The following GABRG3 variants were observed in gnomAD, a reference collection of about 807,000 sequenced individuals.
GABRG3 encodes the protein gamma-aminobutyric acid receptor subunit gamma-3.
GABRG3 carries 25 observed loss-of-function variants against 48.8 expected under a neutral mutation model. That is an observed-to-expected ratio of 0.51 (90% CI 0.37 to 0.72). GABRG3 has a LOEUF of 0.72. Among genes scored for constraint, GABRG3 ranks in the 30% least tolerant of loss-of-function variants. The pLI is 0.00. For synonymous variants in GABRG3, 227 were observed against 217.6 expected (o/e 1.04, Z -0.38); for missense variants, 394 against 577.9 (o/e 0.68, Z 3.26).
chr15:27,192,508 TGATCGCATTG>T, intron 3 of GABRG3, among the ~76,000 whole-genome samples: 1 of 152,368 alleles, frequency 6.6e-6, no homozygotes, highest in Non-Finnish European at 1.5e-5. Context: ...TTCTTCCAGT[TGATCGCATTG>T]GCTCCTGAGG....
At chr15:27,005,293 C>T (rs1482187836) in intron 2 of GABRG3, among the ~76,000 whole-genome samples, 5 of 152,136 alleles carry the variant, frequency 3.3e-5, no homozygotes, top group South Asian at 4.1e-4. Context: ...CTCCGCCTCC[C>T]GGGTTCAAGC....
intron 3 of GABRG3, among the ~76,000 whole-genome samples, chr15:27,231,310 T>C (rs937257610): frequency 6.6e-6 from 1 of 152,228 alleles, no homozygotes; most frequent in Non-Finnish European, 1.5e-5. Context: ...AACATAATAA[T>C]ATAACTGTAG....
chr15:27,243,431 A>G (rs1890186523), intron 3 of GABRG3, among the ~76,000 whole-genome samples: 2 of 152,120 alleles, frequency 1.3e-5, no homozygotes, highest in South Asian at 4.1e-4. Context: ...GCACACCTGA[A>G]CACATCATGC....
At chr15:27,163,321 T>G (rs1254479663) in intron 3 of GABRG3, among the ~76,000 whole-genome samples, 2 of 152,088 alleles carry the variant, frequency 1.3e-5, no homozygotes, top group African/African-American at 4.8e-5. Flanking sequence ...CAACTTAGCC[T>G]CAGCCTCCCA....
intron 2 of GABRG3, 42 bp from the exon 3 acceptor site, chr15:27,026,712 C>T: frequency 6.7e-7 from 1 of 1,481,638 alleles, no homozygotes; most frequent in Non-Finnish European, 9.3e-7. Flanking sequence ...CTCTGTCTTT[C>T]TCCGGCACGA....
chr15:27,482,712 AT>A (rs1890129534), intron 6 of GABRG3, among the ~76,000 whole-genome samples: 1 of 152,220 alleles, frequency 6.6e-6, no homozygotes, highest in African/African-American at 2.4e-5. Flanking sequence ...TTTGAAAAGG[AT>A]GGATATGATT....
intron 3 of GABRG3, among the ~76,000 whole-genome samples, chr15:27,212,761 T>C (rs1889117687): frequency 6.6e-6 from 1 of 152,200 alleles, no homozygotes; most frequent in African/African-American, 2.4e-5. Flanking sequence ...ACAACTGTTC[T>C]CCTTTCAGTC....
rs373937165 is a variant in GABRG3, at chr15:27,429,954, A to G, written c.575-50696A>G. On this transcript the variant is annotated intron_variant, in intron 5 of 9. Transcript: ENST00000615808. ...CCTAACAGGAGAATTCTGTGGTCCT[A>G]TGGAAACAATATGTCTACATTTTGA... is the stretch of plus-strand genomic sequence containing the variant. 4.4e-4 allele frequency among the ~76,000 whole-genome samples: 67 copies of G among 152,320 alleles called. No individual in the cohort carries two copies. The South Asian group carries it at 0.013, about 29-fold the overall frequency.
chr15:27,256,168 T>C (rs116270883), intron 3 of GABRG3, among the ~76,000 whole-genome samples: 4,291 of 151,678 alleles, frequency 0.028, 183 homozygotes, highest in African/African-American at 0.099. Context: ...AGGGGCCGGG[T>C]GTGGTGGCTC....
chr15:27,045,359 C>T (rs1016538211), intron 3 of GABRG3, among the ~76,000 whole-genome samples: 1 of 152,228 alleles, frequency 6.6e-6, no homozygotes. Context: ...GTAGAACATA[C>T]CCACTTCTCT....
chr15:27,024,018 G>A (rs916180743), intron 2 of GABRG3, among the ~76,000 whole-genome samples: 34 of 152,090 alleles, frequency 2.2e-4, no homozygotes, highest in African/African-American at 7.7e-4. Context: ...GTAGCCATCC[G>A]AATGGGTGTG....
At chr15:27,264,577 C>A (rs1459093044) in intron 3 of GABRG3, among the ~76,000 whole-genome samples, 1 of 150,444 alleles carries the variant, frequency 6.6e-6, no homozygotes, top group Non-Finnish European at 1.5e-5. Context: ...AAAATCACAT[C>A]CTCGTCAAAA....
chr15:27,415,259 G>A (rs941979584), intron 5 of GABRG3, among the ~76,000 whole-genome samples: 1 of 151,736 alleles, frequency 6.6e-6, no homozygotes, highest in Non-Finnish European at 1.5e-5. Context: ...CAGTTTTAAA[G>A]TTGTCTATTT....
At chr15:27,300,773 G>T (rs1231176794) in intron 3 of GABRG3, among the ~76,000 whole-genome samples, 3 of 150,346 alleles carry the variant, frequency 2.0e-5, no homozygotes, top group Non-Finnish European at 4.4e-5. Context: ...AAAAGAAGCA[G>T]CTGGAAATTT....
rs528760544 is a variant in GABRG3 at position 27,403,914 on chromosome 15, CAAAAAA to C, written c.574+75035_574+75040del. Among the ~76,000 whole-genome samples, 4 of 68,564 alleles carry C rather than the reference CAAAAAA, an allele frequency of 5.8e-5. No homozygotes were observed. In the East Asian group the frequency reaches 1.2e-3, roughly 20 times the overall value. 45.0% of individuals were successfully genotyped at this position (68,564 alleles called of 152,430 possible). The stretch of plus-strand genomic sequence containing the variant: ...TGACAAAGCCAGACTCAAAAAAAAA[CAAAAAA>C]AAAAAAAACAAAAAAAAAAAACCGG... On this transcript the variant is annotated intron_variant, in intron 5 of 9. Coordinates refer to ENST00000615808, the MANE Select transcript of GABRG3 (RefSeq NM_033223.5).
intron 3 of GABRG3, chr15:27,158,487 A>G (rs181102092): frequency 6.6e-6 from 1 of 152,198 alleles, no homozygotes; most frequent in East Asian, 1.9e-4. Context: ...CTCAAATTAT[A>G]CTTATAAATA....
In GABRG3 at chr15:27,540,088, A is replaced by G. The variant is rs1427744842; in HGVS notation, c.*7207A>G. The G allele has an allele frequency of 6.6e-6, 1 of 152,232 alleles. No individual in the cohort carries two copies. The highest frequency in any genetic ancestry group is 1.5e-5 in the Non-Finnish European group (1 of 68,048). 9.4% of individuals were successfully genotyped at this position (152,232 alleles called of 1,614,324 possible). Reference sequence around the variant, plus strand: ...GAACTTACATCGTGGAAAAAGCGAAAAAGTTTCATTAGAGTTTAAACATTA... The same window carrying G: ...GAACTTACATCGTGGAAAAAGCGAAGAAGTTTCATTAGAGTTTAAACATTA... On this transcript the variant is annotated 3_prime_UTR_variant, in exon 10 of 10. Coordinates refer to ENST00000615808, the MANE Select transcript of GABRG3 (RefSeq NM_033223.5).
At chr15:27,231,897 G>T (rs994405352) in intron 3 of GABRG3, among the ~76,000 whole-genome samples, 38 of 152,162 alleles carry the variant, frequency 2.5e-4, no homozygotes, top group African/African-American at 8.9e-4. Context: ...TTCATTGTCT[G>T]ATCTAAACCA....
chr15:27,040,423 G>T (rs1896255899), intron 3 of GABRG3, among the ~76,000 whole-genome samples: 1 of 152,228 alleles, frequency 6.6e-6, no homozygotes, highest in South Asian at 2.1e-4. Context: ...CTGGGGGTTG[G>T]ATGGGGTGGG....
Sources: allele counts gnomAD v4.1 joint callset (sites outside exome capture counted in the v4.1 genomes callset), GRCh38; gene constraint gnomAD v4.1.1; transcripts MANE v1.5; gene names NCBI Gene and HGNC (gene_info 2026-07-23, HGNC 2026-07-21).